The following VAT1L variants were observed in gnomAD, a reference collection of about 807,000 sequenced individuals.
VAT1L encodes the protein vesicle amine transport 1 like.
VAT1L carries 34 observed loss-of-function variants against 44.1 expected under a neutral mutation model. That is an observed-to-expected ratio of 0.77 (90% CI 0.59 to 1.03). The LOEUF (loss-of-function observed/expected upper bound fraction) is 1.03. Among genes scored for constraint, VAT1L ranks in the 50% least tolerant of loss-of-function variants. The pLI, the probability that VAT1L is intolerant of heterozygous loss-of-function variation, is 0.00. For missense variants in VAT1L, 615 were observed against 538.8 expected (o/e 1.14, Z -1.40); for synonymous variants, 253 against 202.2 (o/e 1.25, Z -2.13).
intron 3 of VAT1L, among the ~76,000 whole-genome samples, chr16:77,828,644 C>G (rs953479183): frequency 1.3e-5 from 2 of 151,474 alleles, no homozygotes; most frequent in Non-Finnish European, 2.9e-5. Context: ...GCCTGGACAA[C>G]AAGAGCAAAA....
intron 1 of VAT1L, among the ~76,000 whole-genome samples, chr16:77,791,161 G>A (rs2015827879): frequency 6.6e-6 from 1 of 152,196 alleles, no homozygotes; most frequent in Non-Finnish European, 1.5e-5. Flanking sequence ...GGGATTGGCT[G>A]GCCAGACATG....
chr16:77,885,245 C>G (rs1198200649), intron 7 of VAT1L, among the ~76,000 whole-genome samples: 1 of 152,172 alleles, frequency 6.6e-6, no homozygotes, highest in Admixed American at 6.5e-5. Context: ...TCACGATGGA[C>G]TTTGGAATTA....
At chr16:77,896,627 C>T (rs423974) in intron 7 of VAT1L, among the ~76,000 whole-genome samples, 136,616 of 152,210 alleles carry the variant, frequency 0.9, 61,804 homozygotes, top group Non-Finnish European at 0.95. Context: ...GGATATGCCC[C>T]GCGAAAGATT....
chr16:77,909,089 T>C (rs898527559), intron 7 of VAT1L, among the ~76,000 whole-genome samples: 1 of 152,184 alleles, frequency 6.6e-6, no homozygotes, highest in East Asian at 1.9e-4. Flanking sequence ...AAACATTTTA[T>C]AAGGGCTGTA....
intron 2 of VAT1L, among the ~76,000 whole-genome samples, chr16:77,824,430 T>C (rs951629543): frequency 8.5e-5 from 13 of 152,244 alleles, no homozygotes; most frequent in Middle Eastern, 6.8e-3. Context: ...GCAAATGTAT[T>C]TTAAAAGTTA....
At chr16:77,892,746 G>T in intron 7 of VAT1L, 1 of 754,334 alleles carries the variant, frequency 1.3e-6, no homozygotes, top group Middle Eastern at 2.3e-4. Context: ...AGCACAAATG[G>T]TTTCTAGTTT....
At chr16:77,891,075 C>G (rs956302357) in intron 7 of VAT1L, among the ~76,000 whole-genome samples, 2 of 152,258 alleles carry the variant, frequency 1.3e-5, no homozygotes, top group African/African-American at 4.8e-5. Flanking sequence ...AGCTTCTCGG[C>G]CGGGCGTGGT....
chr16:77,821,981 T>A lies in VAT1L; in HGVS notation c.364-3265T>A, dbSNP rs75465170. Among the ~76,000 whole-genome samples, 497 of 152,302 alleles carry A rather than the reference T, an allele frequency of 3.3e-3. 1 individual carries two copies. The highest frequency in any genetic ancestry group is 6.4e-3 in the Non-Finnish European group (433 of 68,016). Reference sequence around the variant, plus strand: ...AAGGGTGTGAGCATGCACTTTCTCGTGTTTCCTGCTGCTTTTCCAGCATGC... The same window carrying A: ...AAGGGTGTGAGCATGCACTTTCTCGAGTTTCCTGCTGCTTTTCCAGCATGC... On this transcript the variant is annotated intron_variant, in intron 2 of 8. Transcript: ENST00000302536.
At chr16:77,799,314 C>T (rs1056825074) in intron 1 of VAT1L, among the ~76,000 whole-genome samples, 3 of 148,848 alleles carry the variant, frequency 2.0e-5, no homozygotes, top group Non-Finnish European at 3.0e-5. Context: ...TCTTTTCCCT[C>T]CGTCTTTCCC....
intron 7 of VAT1L, among the ~76,000 whole-genome samples, chr16:77,928,846 C>A (rs376306268): frequency 6.6e-6 from 1 of 151,986 alleles, no homozygotes; most frequent in African/African-American, 2.4e-5. Flanking sequence ...GAGATGGAGT[C>A]TCACTCTGTC....
intron 3 of VAT1L, among the ~76,000 whole-genome samples, chr16:77,840,661 C>T (rs72628238): frequency 0.13 from 19,718 of 152,142 alleles, 1,717 homozygotes; most frequent in Non-Finnish European, 0.2. Context: ...TACACAGCAA[C>T]TTAGTGATGA....
intron 2 of VAT1L, 115 bp downstream of exon 2, chr16:77,817,165 T>G: frequency 2.1e-6 from 3 of 1,429,324 alleles, no homozygotes; most frequent in Non-Finnish European, 2.8e-6. Context: ...ATTATCATTG[T>G]CTTCTTATTT....
rs61168492 is a variant in VAT1L at position 77,950,409 on chromosome 16, AACAC to A, written c.1078-21397_1078-21394del. Among the ~76,000 whole-genome samples, 1,182 of 131,466 alleles carry A rather than the reference AACAC, an allele frequency of 9.0e-3. 22 individuals carry two copies. Among genetic ancestry groups the A allele is most frequent in the African/African-American group, 0.028 (945 of 33,696 alleles). The allele number at this position is 131,466 out of a possible 152,430, so 86.2% of individuals were successfully genotyped here. A position where few individuals can be genotyped will look rare whatever the true frequency, so the allele number is the denominator to read the frequency against. Reference sequence around the variant, plus strand: ...GGGCGACAGAGCAAGATTCCATCTAAACACACACACACACACACACACACACACA... The same window carrying A: ...GGGCGACAGAGCAAGATTCCATCTAAACACACACACACACACACACACACA... On this transcript the variant is annotated intron_variant, in intron 7 of 8. Transcript: ENST00000302536.
chr16:77,962,691 T>C (rs1421086490), intron 7 of VAT1L, among the ~76,000 whole-genome samples: 1 of 145,102 alleles, frequency 6.9e-6, no homozygotes, highest in East Asian at 2.0e-4. Flanking sequence ...AAGACCAGCC[T>C]GCACAACATA....
chr16:77,962,798 T>C (rs2018178241), intron 7 of VAT1L, among the ~76,000 whole-genome samples: 1 of 115,428 alleles, frequency 8.7e-6, no homozygotes. Flanking sequence ...AAAGAAAAAA[T>C]AGCTAGGCAT....
intron 7 of VAT1L, among the ~76,000 whole-genome samples, chr16:77,900,990 A>G (rs1037442329): frequency 6.6e-6 from 1 of 152,056 alleles, no homozygotes; most frequent in African/African-American, 2.4e-5. Flanking sequence ...TCATTGACAG[A>G]GCAAGGGCGA....
At chr16:77,933,548 T>C (rs898900023) in intron 7 of VAT1L, among the ~76,000 whole-genome samples, 1 of 151,746 alleles carries the variant, frequency 6.6e-6, no homozygotes, top group African/African-American at 2.4e-5. Flanking sequence ...AATGGAAAAA[T>C]TTCAGAAAGA....
At position 77,872,301 on chromosome 16, in the gene VAT1L, A is replaced by G. The variant is rs1161784486; in HGVS notation, c.723-4069A>G. Among the ~76,000 whole-genome samples, 5 of 152,248 alleles carry G rather than the reference A, an allele frequency of 3.3e-5. No individual in the cohort carries two copies. In the East Asian group the frequency reaches 7.7e-4, roughly 23 times the overall value. ...TAGCCATTCTTAGGGTCCTTCTACA[A>G]GGAGTCAGTGGCCAGGCCTCCTGAT... On this transcript the variant is annotated intron_variant, in intron 4 of 8. Coordinates refer to ENST00000302536, the MANE Select transcript of VAT1L (RefSeq NM_020927.3).
At position 77,979,880 on chromosome 16, in the gene VAT1L, C is replaced by T. The variant is rs1296516376; in HGVS notation, c.*2185C>T. ...TTGTTTAACGTACTCTCATTTTAAG[C>T]ACCTTCTTTCCTGTCTCTTGATTGT... On this transcript the variant is annotated 3_prime_UTR_variant, in exon 9 of 9. Transcript: ENST00000302536. The T allele has an allele frequency of 2.6e-5, 4 of 152,634 alleles. No individual in the cohort carries two copies. The highest frequency in any genetic ancestry group is 5.9e-5 in the Non-Finnish European group (4 of 68,036). 9.5% of individuals were successfully genotyped at this position (152,634 alleles called of 1,614,324 possible).
Sources: allele counts gnomAD v4.1 joint callset (sites outside exome capture counted in the v4.1 genomes callset), GRCh38; gene constraint gnomAD v4.1.1; transcripts MANE v1.5; gene names NCBI Gene and HGNC (gene_info 2026-07-23, HGNC 2026-07-21).